Variants in GDPD4 observed in about 807,000 individuals in gnomAD.
The protein encoded by GDPD4 is glycerophosphodiester phosphodiesterase 6.
In GDPD4, 60 loss-of-function variants were observed where a neutral mutation model predicts 67.8. That is an observed-to-expected ratio of 0.88 (90% CI 0.72 to 1.10). GDPD4 has a LOEUF of 1.10. Ranked by LOEUF, GDPD4 falls within the 50% of genes least tolerant of loss-of-function variation. The probability of loss-of-function intolerance (pLI) is 0.00; values close to 1 mark genes in which losing one functional copy is unlikely to be tolerated. For missense variants in GDPD4, 623 were observed against 613.9 expected (o/e 1.01, Z -0.16); for synonymous variants, 212 against 210.9 (o/e 1.00, Z -0.04).
chr11:77,238,483 C>T (rs2135837383), intron 13 of GDPD4, among the ~76,000 whole-genome samples: 1 of 151,428 alleles, frequency 6.6e-6, no homozygotes, highest in Middle Eastern at 3.4e-3. Context: ...ACTTGGGAGG[C>T]TGAGGCAGGA....
At position 77,217,107 on chromosome 11, in the gene GDPD4, G is replaced by A. The variant is rs1395291772; in HGVS notation, c.*170C>T. The A allele has an allele frequency of 1.4e-6, 1 of 713,358 alleles. No homozygotes were observed. The highest frequency in any genetic ancestry group is 1.5e-5 in the South Asian group (1 of 68,172). The allele number at this position is 713,358 out of a possible 1,614,324, so 44.2% of individuals were successfully genotyped here. A position where few individuals can be genotyped will look rare whatever the true frequency, so the allele number is the denominator to read the frequency against. On this transcript the variant is annotated 3_prime_UTR_variant, in exon 17 of 17. Coordinates refer to ENST00000315938, the MANE Select transcript of GDPD4 (RefSeq NM_182833.3). ...ATCTCATGCTTGCCAGGCTTCAAAG[G>A]TGTGACAGCATTCTTGATAGGTAGT...
intron 1 of GDPD4, among the ~76,000 whole-genome samples, chr11:77,298,302 G>A (rs749512638): frequency 2.6e-5 from 4 of 152,026 alleles, no homozygotes; most frequent in Non-Finnish European, 2.9e-5. Context: ...ACCTGAGGTC[G>A]GGAGTTTTAG....
At position 77,292,630 on chromosome 11, in the gene GDPD4, GA is replaced by G. The variant is rs200357973; in HGVS notation, c.-253-5211del. Among the ~76,000 whole-genome samples, 53 of 151,606 alleles carry G rather than the reference GA, an allele frequency of 3.5e-4. No individual in the cohort carries two copies. In the East Asian group the frequency reaches 7.5e-3, roughly 22 times the overall value. On this transcript the variant is annotated intron_variant, in intron 1 of 16. Coordinates refer to ENST00000315938, the MANE Select transcript of GDPD4 (RefSeq NM_182833.3). ...ATGGATAATTAAATAGAAAAAATAG[GA>G]AAAAAAATCAATGAAATCAAAAGTT...
At chr11:77,296,780 C>G (rs924782822) in intron 1 of GDPD4, among the ~76,000 whole-genome samples, 1 of 151,262 alleles carries the variant, frequency 6.6e-6, no homozygotes, top group Non-Finnish European at 1.5e-5. Flanking sequence ...CCTTTTTTGG[C>G]CGGGTGCGGT....
At chr11:77,282,999 A>T (rs1045580113) in intron 3 of GDPD4, among the ~76,000 whole-genome samples, 2 of 152,244 alleles carry the variant, frequency 1.3e-5, no homozygotes, top group Non-Finnish European at 2.9e-5. Flanking sequence ...AGTTAAAAAC[A>T]TATGAAGAAA....
chr11:77,288,174 C>T (rs1322717811), intron 1 of GDPD4, among the ~76,000 whole-genome samples: 1 of 152,110 alleles, frequency 6.6e-6, no homozygotes, highest in African/African-American at 2.4e-5. Flanking sequence ...CATCCTATTG[C>T]TGTCACTGCT....
chr11:77,224,512 G>A (rs527612111), intron 16 of GDPD4, among the ~76,000 whole-genome samples: 1 of 152,298 alleles, frequency 6.6e-6, no homozygotes, highest in Admixed American at 6.5e-5. Flanking sequence ...CTGCCATGTT[G>A]TGAGGACCAT....
Position 77,254,410 on chromosome 11 carries a change from C to T in GDPD4, c.864+3976G>A, listed in dbSNP as rs144284044. On this transcript the variant is annotated intron_variant, in intron 11 of 16. Coordinates refer to ENST00000315938, the MANE Select transcript of GDPD4 (RefSeq NM_182833.3). Reference sequence around the variant, plus strand: ...TCTGTGCTCACCAGGGTTTCTGTTACTCCTCTGATGTACTCTGGTGCTGTC... The same window carrying T: ...TCTGTGCTCACCAGGGTTTCTGTTATTCCTCTGATGTACTCTGGTGCTGTC... Among the ~76,000 whole-genome samples, 666 of 152,250 alleles carry T rather than the reference C, an allele frequency of 4.4e-3. 17 individuals are homozygous for T. The highest frequency in any genetic ancestry group is 2.7e-3 in the East Asian group (14 of 5,190).
intron 1 of GDPD4, among the ~76,000 whole-genome samples, chr11:77,294,218 T>C (rs917272730): frequency 2.0e-5 from 3 of 152,186 alleles, no homozygotes; most frequent in African/African-American, 7.2e-5. Context: ...ATCTTAGTTT[T>C]AACGAATGAA....
intron 13 of GDPD4, among the ~76,000 whole-genome samples, chr11:77,239,948 C>A: frequency 7.4e-6 from 1 of 135,504 alleles, no homozygotes. Context: ...GATGACGGAG[C>A]AAGACTGCCT....
At chr11:77,225,776 TC>T (rs1565506064) in intron 16 of GDPD4, among the ~76,000 whole-genome samples, 1 of 152,186 alleles carries the variant, frequency 6.6e-6, no homozygotes, top group Admixed American at 6.5e-5. Flanking sequence ...TACGTGCCCA[TC>T]CTGGAGGTGG....
At chr11:77,234,914 A>T (rs1958521459) in intron 13 of GDPD4, among the ~76,000 whole-genome samples, 1 of 151,848 alleles carries the variant, frequency 6.6e-6, no homozygotes, top group Non-Finnish European at 1.5e-5. Flanking sequence ...TTCTTTGAGA[A>T]ATCTCTAAAC....
intron 3 of GDPD4, 116 bp downstream of exon 3, chr11:77,284,969 A>G (rs1565543210): frequency 1.3e-6 from 1 of 759,604 alleles, no homozygotes; most frequent in Non-Finnish European, 2.3e-6. Flanking sequence ...TGGAAAGCCC[A>G]GTTTTGTCCG....
intron 11 of GDPD4, among the ~76,000 whole-genome samples, chr11:77,247,715 A>C (rs1004129872): frequency 2.6e-5 from 4 of 152,226 alleles, no homozygotes; most frequent in Non-Finnish European, 5.9e-5. Flanking sequence ...TATTACAAAA[A>C]GAAAGGTTAT....
intron 14 of GDPD4, among the ~76,000 whole-genome samples, chr11:77,231,476 A>G (rs941414240): frequency 6.6e-6 from 1 of 152,230 alleles, no homozygotes; most frequent in Non-Finnish European, 1.5e-5. Context: ...CACCTCCCTG[A>G]ATAAAATGAC....
chr11:77,272,295 C>G (rs1031146516), intron 5 of GDPD4, among the ~76,000 whole-genome samples: 1 of 152,102 alleles, frequency 6.6e-6, no homozygotes, highest in African/African-American at 2.4e-5. Context: ...TTAACAAGGA[C>G]ATTATTACAA....
chr11:77,222,450 G>A (rs536050134), intron 16 of GDPD4, among the ~76,000 whole-genome samples: 19 of 152,218 alleles, frequency 1.2e-4, no homozygotes, highest in Non-Finnish European at 2.6e-4. Flanking sequence ...TTGCTTGTCT[G>A]TAAAGGATGT....
chr11:77,284,553 G>A (rs1031581635), intron 3 of GDPD4, among the ~76,000 whole-genome samples: 1 of 152,142 alleles, frequency 6.6e-6, no homozygotes, highest in Non-Finnish European at 1.5e-5. Context: ...AGGAAGGTTA[G>A]AAGACATCAA....
At position 77,271,121 on chromosome 11, in the gene GDPD4, G is replaced by A; in HGVS notation, c.400+9C>T. 3.8e-6 allele frequency: 6 copies of A among 1,583,946 alleles called. No homozygotes were observed. Among genetic ancestry groups the A allele is most frequent in the Non-Finnish European group, 5.2e-6 (6 of 1,153,976 alleles). ...AGAAATAGGCAGGGTTCTGCCCTATGTGACATACCTTCTCTTTCCAAACAT... is the reference window on the plus strand; with the variant it reads ...AGAAATAGGCAGGGTTCTGCCCTATATGACATACCTTCTCTTTCCAAACAT... On this transcript the variant is annotated intron_variant, in intron 7 of 16. Coordinates refer to ENST00000315938, the MANE Select transcript of GDPD4 (RefSeq NM_182833.3).
Sources: allele counts gnomAD v4.1 joint callset (sites outside exome capture counted in the v4.1 genomes callset), GRCh38; gene constraint gnomAD v4.1.1; transcripts MANE v1.5; gene names NCBI Gene and HGNC (gene_info 2026-07-23, HGNC 2026-07-21).